Variants in ST6GALNAC3 observed in about 807,000 individuals in gnomAD.
ST6GALNAC3 encodes ST6 N-acetylgalactosaminide alpha-2,6-sialyltransferase 3.
ST6GALNAC3 carries 25 observed loss-of-function variants against 32.7 expected under a neutral mutation model. That is an observed-to-expected ratio of 0.76 (90% CI 0.56 to 1.07). The LOEUF is 1.07. Ranked by LOEUF, ST6GALNAC3 falls within the 50% of genes least tolerant of loss-of-function variation. The pLI is 0.00. For synonymous variants in ST6GALNAC3, 129 were observed against 133.1 expected (o/e 0.97, Z 0.21); for missense variants, 355 against 382.4 (o/e 0.93, Z 0.60).
chr1:76,445,622 A>G (rs932693254), intron 3 of ST6GALNAC3, among the ~76,000 whole-genome samples: 3 of 152,124 alleles, frequency 2.0e-5, no homozygotes, highest in African/African-American at 7.2e-5. Context: ...TTTTGTGAAA[A>G]TTCTTTATTT....
intron 2 of ST6GALNAC3, among the ~76,000 whole-genome samples, chr1:76,409,353 GT>G (rs909970157): frequency 1.1e-4 from 17 of 152,002 alleles, no homozygotes; most frequent in Non-Finnish European, 1.9e-4. Context: ...TGCAAGTCAA[GT>G]TTTTTTCAAA....
intron 1 of ST6GALNAC3, among the ~76,000 whole-genome samples, chr1:76,226,582 C>T (rs72675929): frequency 0.034 from 5,217 of 152,164 alleles, 171 homozygotes; most frequent in African/African-American, 0.087. Flanking sequence ...GCAGGCCGTA[C>T]GGGAAGCAGA....
intron 2 of ST6GALNAC3, among the ~76,000 whole-genome samples, chr1:76,369,589 G>A (rs1273492405): frequency 6.6e-6 from 1 of 152,144 alleles, no homozygotes; most frequent in African/African-American, 2.4e-5. Flanking sequence ...CTGGTTCTGA[G>A]TAAATGCCCT....
intron 2 of ST6GALNAC3, among the ~76,000 whole-genome samples, chr1:76,405,095 C>G (rs1202348666): frequency 1.3e-5 from 2 of 152,022 alleles, no homozygotes; most frequent in Non-Finnish European, 2.9e-5. Context: ...CTGGCTGTTT[C>G]TACTTGCTTT....
chr1:76,475,375 T>C (rs955682901), intron 3 of ST6GALNAC3, among the ~76,000 whole-genome samples: 1 of 152,172 alleles, frequency 6.6e-6, no homozygotes, highest in Admixed American at 6.5e-5. Flanking sequence ...GAGAATGCTG[T>C]ATACTGGGGT....
chr1:76,292,154 T>C (rs1660134619), intron 1 of ST6GALNAC3, among the ~76,000 whole-genome samples: 1 of 152,258 alleles, frequency 6.6e-6, no homozygotes, highest in African/African-American at 2.4e-5. Flanking sequence ...AAATGAGCAA[T>C]GAACCTTCTC....
At chr1:76,257,875 A>G (rs1243887643) in intron 1 of ST6GALNAC3, among the ~76,000 whole-genome samples, 2 of 152,036 alleles carry the variant, frequency 1.3e-5, no homozygotes, top group African/African-American at 4.8e-5. Flanking sequence ...TTGCTTTTTC[A>G]TTTGTCAAAT....
intron 3 of ST6GALNAC3, among the ~76,000 whole-genome samples, chr1:76,573,630 T>C (rs986988345): frequency 4.6e-5 from 7 of 151,402 alleles, no homozygotes; most frequent in African/African-American, 1.7e-4. Context: ...TGAATGAACA[T>C]GTAGCCAAGG....
At chr1:76,178,996 GTTC>G (rs35832438) in intron 1 of ST6GALNAC3, among the ~76,000 whole-genome samples, 21,102 of 152,048 alleles carry the variant, frequency 0.14, 1,700 homozygotes, top group Non-Finnish European at 0.19. Context: ...ATTGCTCTGA[GTTC>G]TTCTGTCCAT....
At chr1:76,418,646 A>T (rs1654813372) in intron 3 of ST6GALNAC3, among the ~76,000 whole-genome samples, 1 of 152,148 alleles carries the variant, frequency 6.6e-6, no homozygotes, top group African/African-American at 2.4e-5. Flanking sequence ...TGCAAATATA[A>T]GTATCTCAGC....
intron 1 of ST6GALNAC3, among the ~76,000 whole-genome samples, chr1:76,221,505 T>C (rs947505303): frequency 6.6e-6 from 1 of 152,166 alleles, no homozygotes; most frequent in Non-Finnish European, 1.5e-5. Flanking sequence ...TCTCACCAGC[T>C]CTAGCCTCTT....
chr1:76,256,769 G>A (rs868492474), intron 1 of ST6GALNAC3, among the ~76,000 whole-genome samples: 31 of 151,248 alleles, frequency 2.0e-4, no homozygotes, highest in Admixed American at 5.3e-4. Flanking sequence ...CAGGAGACTT[G>A]AGAAAACAAG....
chr1:76,370,267 C>T (rs1249031248), intron 2 of ST6GALNAC3, among the ~76,000 whole-genome samples: 1 of 152,112 alleles, frequency 6.6e-6, no homozygotes, highest in African/African-American at 2.4e-5. Context: ...CTGTGTGATA[C>T]AGGAACTGAC....
chr1:76,228,319 C>T (rs1358908028), intron 1 of ST6GALNAC3, among the ~76,000 whole-genome samples: 1 of 152,198 alleles, frequency 6.6e-6, no homozygotes, highest in Non-Finnish European at 1.5e-5. Flanking sequence ...GTAGCTTTCT[C>T]TCACACACTT....
At chr1:76,145,961 T>C (rs1650656102) in intron 1 of ST6GALNAC3, among the ~76,000 whole-genome samples, 1 of 152,236 alleles carries the variant, frequency 6.6e-6, no homozygotes, top group South Asian at 2.1e-4. Flanking sequence ...GTACCTAAGA[T>C]AGCTTAGCAA....
intron 3 of ST6GALNAC3, among the ~76,000 whole-genome samples, chr1:76,553,887 G>C (rs1450117107): frequency 1.8e-5 from 2 of 108,906 alleles, no homozygotes; most frequent in African/African-American, 8.8e-5. Flanking sequence ...TACTGTTTCT[G>C]TCTAATTACA....
downstream of ST6GALNAC3, among the ~76,000 whole-genome samples, chr1:76,634,983 G>A (rs1254401379): frequency 6.6e-6 from 1 of 151,986 alleles, no homozygotes; most frequent in East Asian, 1.9e-4. Context: ...TAATATACTT[G>A]ATATCCAAGT....
chr1:76,560,874 A>G (rs549719331), intron 3 of ST6GALNAC3, among the ~76,000 whole-genome samples: 1 of 152,352 alleles, frequency 6.6e-6, no homozygotes, highest in African/African-American at 2.4e-5. Context: ...TCAAAGAGAT[A>G]TCTGCATTCC....
rs1653162335 is a variant in ST6GALNAC3, at chr1:76,181,239, A to G, written c.18+106355A>G. Among the ~76,000 whole-genome samples the G allele has an allele frequency of 3.3e-5, 5 of 152,228 alleles. No individual in the cohort carries two copies. In the South Asian group the frequency reaches 8.3e-4, roughly 25 times the overall value. ...CTGTTTCACCGTTGTTAATATTGAT[A>G]GAGCTTTAAGACTGAATTTATTCAG... On this transcript the variant is annotated intron_variant, in intron 1 of 4. Coordinates refer to ENST00000328299, the MANE Select transcript of ST6GALNAC3 (RefSeq NM_152996.4).
Sources: allele counts gnomAD v4.1 joint callset (sites outside exome capture counted in the v4.1 genomes callset), GRCh38; gene constraint gnomAD v4.1.1; transcripts MANE v1.5; gene names NCBI Gene and HGNC (gene_info 2026-07-23, HGNC 2026-07-21).